The following TJP1 variants were observed in gnomAD, a reference collection of about 807,000 sequenced individuals.
TJP1 encodes the protein tight junction protein 1.
Under a neutral mutation model 194.2 loss-of-function variants are expected in TJP1, and 43 were observed. That is an observed-to-expected ratio of 0.22 (90% CI 0.17 to 0.29). The LOEUF (loss-of-function observed/expected upper bound fraction) is 0.29. Ranked by LOEUF, TJP1 falls within the 10% of genes least tolerant of loss-of-function variation. The probability of loss-of-function intolerance (pLI) is 1.00; values close to 1 mark genes in which losing one functional copy is unlikely to be tolerated. For synonymous variants in TJP1, 801 were observed against 779.0 expected, an observed-to-expected ratio of 1.03 and a Z score of -0.47; for missense variants, 1,971 against 2,185.7, an observed-to-expected ratio of 0.90 and a Z score of 1.96.
chr15:29,870,046 C>T (rs1276386510), intron 2 of TJP1, among the ~76,000 whole-genome samples: 1 of 151,788 alleles, frequency 6.6e-6, no homozygotes, highest in Non-Finnish European at 1.5e-5. Context: ...AGACTGGTCT[C>T]GAACTCCTGA....
rs191135328 is a variant in TJP1 at position 29,764,663 on chromosome 15, C to T, written c.589+1603G>A. Reference sequence around the variant, plus strand: ...AAAAAAGAGAAGGCAAGGGTAACTACCATGTCATCTGGGAATGGCCTGAGA... The same window carrying T: ...AAAAAAGAGAAGGCAAGGGTAACTATCATGTCATCTGGGAATGGCCTGAGA... On this transcript the variant is annotated intron_variant, in intron 5 of 27. Coordinates refer to ENST00000614355, the MANE Select transcript of TJP1 (RefSeq NM_001330239.4). Among the ~76,000 whole-genome samples, 316 of 152,224 alleles carry T rather than the reference C, an allele frequency of 2.1e-3. 3 individuals are homozygous for T. The highest frequency in any genetic ancestry group is 7.5e-3 in the African/African-American group (312 of 41,526).
intron 2 of TJP1, among the ~76,000 whole-genome samples, chr15:29,775,769 T>C (rs1203568276): frequency 6.6e-6 from 1 of 152,110 alleles, no homozygotes; most frequent in East Asian, 1.9e-4. Context: ...ACAGAACAAA[T>C]TCAAATAAAT....
chr15:29,812,567 T>A (rs1404544891), intron 1 of TJP1, among the ~76,000 whole-genome samples: 1 of 152,228 alleles, frequency 6.6e-6, no homozygotes, highest in Non-Finnish European at 1.5e-5. Context: ...GCTGCTTTTC[T>A]GGTCTAAGAC....
intron 1 of TJP1, among the ~76,000 whole-genome samples, chr15:29,962,628 G>A (rs2056199819): frequency 6.6e-6 from 1 of 152,204 alleles, no homozygotes; most frequent in South Asian, 2.1e-4. Context: ...GAGCCAAGGA[G>A]CTGTGAGACA....
Position 29,816,935 on chromosome 15 carries a change from G to T in TJP1, c.27+5067C>A, listed in dbSNP as rs139894508. On this transcript the variant is annotated intron_variant, in intron 1 of 27. Coordinates refer to ENST00000614355, the MANE Select transcript of TJP1 (RefSeq NM_001330239.4). ...CATGATGAAAACACCAAAAGCAATTGCAACAAAAGCTAAAATTGACAAATG... is the reference window on the plus strand; with the variant it reads ...CATGATGAAAACACCAAAAGCAATTTCAACAAAAGCTAAAATTGACAAATG... Among the ~76,000 whole-genome samples the T allele has an allele frequency of 3.9e-3, 597 of 152,226 alleles. 4 individuals carry two copies. Among genetic ancestry groups the T allele is most frequent in the African/African-American group, 0.014 (562 of 41,544 alleles).
chr15:29,718,717 C>T lies in TJP1; in HGVS notation c.3425G>A (p.Ser1142Asn), dbSNP rs2039778265. ...AGGTGCCTGTTCGTAACGTGGTCTG[C>T]TGTCGTAAGACAGAGGGGCTGGCTC... Reference protein sequence around the residue: ...FEEPAPLSYDSRPRYEQAPRA... With the variant: ...FEEPAPLSYDNRPRYEQAPRA... The change falls in exon 21 of 28, where the codon AGC (serine) becomes AAC (asparagine). Residue 1142 changes from serine (S) to asparagine (N), a missense_variant. By Grantham distance (46) the Ser-to-Asn change is conservative. This residue lies in a region of TJP1 where 1,108 missense variants were observed against 1,128.5 expected (regional missense o/e 0.98). Transcript: ENST00000614355. 1.2e-6 allele frequency: 2 copies of T among 1,614,032 alleles called. No homozygotes were observed. The highest frequency in any genetic ancestry group is 2.7e-5 in the African/African-American group (2 of 74,912).
chr15:29,837,202 G>A (rs2051064998), intron 2 of TJP1, among the ~76,000 whole-genome samples: 1 of 152,140 alleles, frequency 6.6e-6, no homozygotes, highest in African/African-American at 2.4e-5. Flanking sequence ...ATTAATAGTA[G>A]AACAAATTAA....
chr15:29,771,357 G>A (rs2046662279), intron 4 of TJP1, among the ~76,000 whole-genome samples: 1 of 152,118 alleles, frequency 6.6e-6, no homozygotes, highest in African/African-American at 2.4e-5. Flanking sequence ...TAACACAATG[G>A]TAACTATGTG....
chr15:29,707,854 G>A (rs1428399130), intron 25 of TJP1, among the ~76,000 whole-genome samples: 1 of 152,170 alleles, frequency 6.6e-6, no homozygotes, highest in East Asian at 1.9e-4. Context: ...TCCTCCACAT[G>A]CACCTTACCA....
intron 2 of TJP1, among the ~76,000 whole-genome samples, chr15:29,944,227 G>A (rs1025576378): frequency 1.6e-4 from 24 of 151,718 alleles, no homozygotes; most frequent in African/African-American, 5.8e-4. Flanking sequence ...CGACTAGCTG[G>A]GATTACAGGC....
At chr15:29,836,561 C>T (rs752380769) in intron 2 of TJP1, among the ~76,000 whole-genome samples, 5 of 152,110 alleles carry the variant, frequency 3.3e-5, no homozygotes, top group South Asian at 2.1e-4. Flanking sequence ...TGAGCCACTG[C>T]GCCCAGCCGG....
intron 10 of TJP1, among the ~76,000 whole-genome samples, chr15:29,739,564 C>T (rs1227564155): frequency 6.6e-6 from 1 of 152,000 alleles, no homozygotes; most frequent in African/African-American, 2.4e-5. Flanking sequence ...CTGCCTCAGC[C>T]TCCCGAGTAG....
At chr15:29,861,763 TG>T (rs1270406851) in intron 2 of TJP1, among the ~76,000 whole-genome samples, 2 of 152,296 alleles carry the variant, frequency 1.3e-5, no homozygotes, top group Admixed American at 6.5e-5. Flanking sequence ...TATTTTGTGA[TG>T]GGGGGAGATT....
At chr15:29,771,297 G>C (rs10152681) in intron 4 of TJP1, among the ~76,000 whole-genome samples, 119,039 of 152,030 alleles carry the variant, frequency 0.78, 47,370 homozygotes, top group East Asian at 0.86. Context: ...ATTGCTCCTC[G>C]GTTACAAGCC....
At chr15:29,813,041 T>C (rs1160339107) in intron 1 of TJP1, among the ~76,000 whole-genome samples, 1 of 152,168 alleles carries the variant, frequency 6.6e-6, no homozygotes, top group Non-Finnish European at 1.5e-5. Context: ...TACCTTTATA[T>C]GACATTACCA....
At chr15:29,704,445 A>T in intron 26 of TJP1, 140 bp from the exon 27 acceptor site, 1 of 947,528 alleles carries the variant, frequency 1.1e-6, no homozygotes, top group Non-Finnish European at 1.4e-6. Flanking sequence ...ACCACAAAAA[A>T]ACGTAACAGC....
At chr15:29,753,821 A>T (rs2045461657) in intron 8 of TJP1, among the ~76,000 whole-genome samples, 1 of 146,500 alleles carries the variant, frequency 6.8e-6, no homozygotes. Context: ...AAAGGGAAAC[A>T]GAAAAAAAAA....
At chr15:29,702,092 C>A (rs1014189702) in intron 27 of TJP1, among the ~76,000 whole-genome samples, 1 of 145,966 alleles carries the variant, frequency 6.9e-6, no homozygotes, top group Non-Finnish European at 1.5e-5. Flanking sequence ...ATCAGTAGCA[C>A]TTTTTTTTTT....
At chr15:29,943,652 A>T (rs2152287848) in intron 2 of TJP1, among the ~76,000 whole-genome samples, 1 of 144,830 alleles carries the variant, frequency 6.9e-6, no homozygotes, top group Non-Finnish European at 1.5e-5. Flanking sequence ...AAAAAAAAAA[A>T]AGGCAATATT....
Sources: gnomAD v4.1 joint callset for allele counts (sites outside exome capture counted in the v4.1 genomes callset) on GRCh38, gnomAD v4.1.1 for gene constraint, gnomAD v4.1.1 regional missense constraint, MANE v1.5 for transcripts, NCBI Gene and HGNC (gene_info 2026-07-23, HGNC 2026-07-21) for gene names.